Variants in TCF4 observed in about 807,000 individuals in gnomAD.
The protein encoded by TCF4 is SL3-3 enhancer factor 2.
TCF4 carries 3 observed loss-of-function variants against 82.1 expected under a neutral mutation model. The ratio of observed to expected loss-of-function variants is 0.04; its 90% CI spans 0.02 to 0.09. TCF4 has a LOEUF of 0.09. Ranked by LOEUF, TCF4 falls within the 10% of genes least tolerant of loss-of-function variation. The probability of loss-of-function intolerance (pLI) is 1.00; values close to 1 mark genes in which losing one functional copy is unlikely to be tolerated. For missense variants in TCF4, 518 were observed against 852.7 expected (o/e 0.61, Z 4.89); for synonymous variants, 276 against 309.6 (o/e 0.89, Z 1.14).
At chr18:55,601,123 C>A (rs986341816) in intron 2 of TCF4, among the ~76,000 whole-genome samples, 1 of 152,186 alleles carries the variant, frequency 6.6e-6, no homozygotes, top group Admixed American at 6.5e-5. Flanking sequence ...AACCACGTTA[C>A]ACACTCAAAA....
intron 5 of TCF4, chr18:55,404,249 G>T: frequency 6.1e-6 from 1 of 163,274 alleles, no homozygotes; most frequent in Admixed American, 6.2e-5. Flanking sequence ...GATGCTATTC[G>T]GCCACATCTA....
In TCF4 at chr18:55,254,488, A is replaced by G; in HGVS notation, c.1350+9T>C. ...GATAACTATAGAGTCTATAAATTTC[A>G]TCACTTACCATGAGTGAATGTCTGT... On this transcript the variant is annotated intron_variant, in intron 15 of 19. Coordinates refer to ENST00000354452, the MANE Select transcript of TCF4 (RefSeq NM_001083962.2). 1.2e-6 allele frequency: 2 copies of G among 1,613,018 alleles called. No individual in the cohort carries two copies. Among genetic ancestry groups the G allele is most frequent in the Non-Finnish European group, 1.7e-6 (2 of 1,179,332 alleles).
At chr18:55,314,529 G>A (rs755659257) in intron 8 of TCF4, among the ~76,000 whole-genome samples, 22 of 149,258 alleles carry the variant, frequency 1.5e-4, no homozygotes, top group South Asian at 2.1e-4. Context: ...TGTTTTATTC[G>A]TTAGAAAAGC....
At chr18:55,319,258 T>C (rs1379584115) in intron 8 of TCF4, among the ~76,000 whole-genome samples, 3 of 152,194 alleles carry the variant, frequency 2.0e-5, no homozygotes, top group East Asian at 3.8e-4. Flanking sequence ...GCATGGTATA[T>C]ACAATCTCCA....
At chr18:55,322,092 CTTTTTT>C (rs374155330) in intron 8 of TCF4, 1 of 920,774 alleles carries the variant, frequency 1.1e-6, no homozygotes, top group Non-Finnish European at 1.3e-6. Context: ...TTTTTCTTTT[CTTTTTT>C]TTTTTCCTTT....
intron 14 of TCF4, among the ~76,000 whole-genome samples, chr18:55,255,506 C>A (rs1209170974): frequency 6.6e-6 from 1 of 152,132 alleles, no homozygotes; most frequent in Non-Finnish European, 1.5e-5. Context: ...TAGTTTTTCA[C>A]AACTAGACAA....
In TCF4 at chr18:55,464,094, T is replaced by C; in HGVS notation, c.189A>G (p.Gly63=). The change falls in exon 4 of 20, where the codon GGA becomes GGG. Residue 63 remains glycine (G), a synonymous_variant. Coordinates refer to ENST00000354452, the MANE Select transcript of TCF4 (RefSeq NM_001083962.2). ...TACTTACCCTGGACGGGCTTGGATG[T>C]CCTCCATTCCCCCAGGACCCTGAGC... ...RSSSGSWGNG[G]HPSPSRNYGD... 1 of 1,613,968 alleles carries C rather than the reference T, an allele frequency of 6.2e-7. No individual in the cohort carries two copies. The highest frequency in any genetic ancestry group is 8.5e-7 in the Non-Finnish European group (1 of 1,179,890).
intron 12 of TCF4, among the ~76,000 whole-genome samples, chr18:55,260,683 G>A (rs944414472): frequency 2.0e-5 from 3 of 152,110 alleles, no homozygotes; most frequent in South Asian, 2.1e-4. Context: ...CTCAGTCTCC[G>A]GAGTAGCTGG....
intron 2 of TCF4, among the ~76,000 whole-genome samples, chr18:55,600,480 A>C (rs2097695674): frequency 6.6e-6 from 1 of 152,294 alleles, no homozygotes; most frequent in South Asian, 2.1e-4. Context: ...TCCAATGTCT[A>C]ATATTGTGTT....
chr18:55,286,814 GT>G (rs1427312517), intron 8 of TCF4, among the ~76,000 whole-genome samples: 1 of 152,152 alleles, frequency 6.6e-6, no homozygotes, highest in African/African-American at 2.4e-5. Context: ...CCAAGTGATG[GT>G]TAAAGGGCGA....
intron 8 of TCF4, among the ~76,000 whole-genome samples, chr18:55,309,203 C>G (rs2071397731): frequency 6.6e-6 from 1 of 151,986 alleles, no homozygotes; most frequent in Admixed American, 6.6e-5. Flanking sequence ...GCCTCAGCTT[C>G]CTGGGCTCAA....
At chr18:55,278,433 GA>G (rs1382474943) in intron 9 of TCF4, among the ~76,000 whole-genome samples, 2 of 152,218 alleles carry the variant, frequency 1.3e-5, no homozygotes, top group African/African-American at 4.8e-5. Context: ...AATTACATTA[GA>G]AAATAAGTGC....
At chr18:55,350,155 AACC>A (rs1017423059) in intron 8 of TCF4, among the ~76,000 whole-genome samples, 7 of 152,222 alleles carry the variant, frequency 4.6e-5, no homozygotes, top group African/African-American at 1.7e-4. Flanking sequence ...ATATCAACAT[AACC>A]ACCCAGTCTT....
chr18:55,289,099 T>C (rs953884301), intron 8 of TCF4, among the ~76,000 whole-genome samples: 2 of 152,222 alleles, frequency 1.3e-5, no homozygotes, highest in African/African-American at 2.4e-5. Context: ...TATGAGTACC[T>C]TGGCCCTAGC....
chr18:55,414,460 A>G (rs1451304108), intron 5 of TCF4, among the ~76,000 whole-genome samples: 1 of 152,234 alleles, frequency 6.6e-6, no homozygotes, highest in East Asian at 1.9e-4. Context: ...CAAAAGAACT[A>G]TAAAAATCTA....
chr18:55,243,638 A>C (rs1166938510), intron 15 of TCF4, among the ~76,000 whole-genome samples: 2 of 152,102 alleles, frequency 1.3e-5, no homozygotes, highest in African/African-American at 2.4e-5. Flanking sequence ...CCAGAGTACT[A>C]GGCAGTTTCC....
intron 5 of TCF4, among the ~76,000 whole-genome samples, chr18:55,453,030 G>C (rs2095656262): frequency 6.6e-6 from 1 of 152,096 alleles, no homozygotes; most frequent in African/African-American, 2.4e-5. Flanking sequence ...ATTAAAGTGT[G>C]AATTGAACAC....
Position 55,461,124 on chromosome 18 carries a change from A to C in TCF4, c.208-9T>G. ...GTCCCATCTCCATAGTTCTGTAAAT[A>C]AAATGACAGTGTAAGTTATTATTTT... On this transcript the variant is annotated splice_polypyrimidine_tract_variant and intron_variant, in intron 4 of 19. Coordinates refer to ENST00000354452, the MANE Select transcript of TCF4 (RefSeq NM_001083962.2). 6.2e-7 allele frequency: 1 copy of C among 1,603,436 alleles called. No homozygotes were observed. Among genetic ancestry groups the C allele is most frequent in the Non-Finnish European group, 8.5e-7 (1 of 1,171,124 alleles).
At chr18:55,260,544 G>A (rs1352807356) in intron 12 of TCF4, among the ~76,000 whole-genome samples, 1 of 151,740 alleles carries the variant, frequency 6.6e-6, no homozygotes, top group Non-Finnish European at 1.5e-5. Flanking sequence ...AAATCTTAGA[G>A]AAAGAAATCT....
Sources: gnomAD v4.1 joint callset for allele counts (sites outside exome capture counted in the v4.1 genomes callset) on GRCh38, gnomAD v4.1.1 for gene constraint, MANE v1.5 for transcripts, NCBI Gene and HGNC (gene_info 2026-07-23, HGNC 2026-07-21) for gene names.